The following PRPF18 variants were observed in gnomAD, a reference collection of about 807,000 sequenced individuals.
The protein encoded by PRPF18 is pre-mRNA-splicing factor 18.
In PRPF18, 38 loss-of-function variants were observed where a neutral mutation model predicts 46.5. That is an observed-to-expected ratio of 0.82 (90% CI 0.63 to 1.07). The LOEUF (loss-of-function observed/expected upper bound fraction) is 1.07, where lower values mean the gene tolerates loss of function less well. Among genes scored for constraint, PRPF18 ranks in the 50% least tolerant of loss-of-function variants. PRPF18 has a pLI of 0.00. For missense variants in PRPF18, 263 were observed against 410.0 expected, an observed-to-expected ratio of 0.64 and a Z score of 3.10; for synonymous variants, 152 against 146.7, an observed-to-expected ratio of 1.04 and a Z score of -0.26.
At chr10:13,593,572 A>G (rs539996479) in intron 1 of PRPF18, among the ~76,000 whole-genome samples, 1 of 152,358 alleles carries the variant, frequency 6.6e-6, no homozygotes, top group Admixed American at 6.5e-5. Flanking sequence ...AGTCTTGAGC[A>G]TACTTAAATT....
rs371481856 is a variant in PRPF18 at position 13,617,388 on chromosome 10, A to T, written c.948+835A>T. ...TGAATGTTAATTCGTGTCATGCTTT[A>T]TGCCTTAGTCACATATAATAGCTTT... is the stretch of plus-strand genomic sequence containing the variant. On this transcript the variant is annotated intron_variant, in intron 9 of 9. Transcript: ENST00000378572. Among the ~76,000 whole-genome samples the T allele has an allele frequency of 3.3e-5, 5 of 152,338 alleles. No individual in the cohort carries two copies. In the South Asian group the frequency reaches 6.2e-4, roughly 19 times the overall value.
chr10:13,624,421 C>T lies in PRPF18; in HGVS notation c.949-5839C>T, dbSNP rs189527213. Among the ~76,000 whole-genome samples the T allele has an allele frequency of 1.3e-4, 20 of 152,256 alleles. No homozygotes were observed. The East Asian group carries it at 1.9e-3, about 15-fold the overall frequency. ...GTAGAAACTAGAAAACCTGGGGACACGGAGGATATTAGGCACTTCTCAAAG... is the reference window on the plus strand; with the variant it reads ...GTAGAAACTAGAAAACCTGGGGACATGGAGGATATTAGGCACTTCTCAAAG... On this transcript the variant is annotated intron_variant, in intron 9 of 9. Transcript: ENST00000378572.
At chr10:13,625,511 A>C (rs745947106) in intron 9 of PRPF18, among the ~76,000 whole-genome samples, 10 of 152,254 alleles carry the variant, frequency 6.6e-5, no homozygotes, top group Admixed American at 2.0e-4. Flanking sequence ...AATAAGAGTC[A>C]ATCTATAACG....
intron 9 of PRPF18, 76 bp from the exon 10 acceptor site, chr10:13,630,184 T>A (rs1046075774): frequency 2.5e-6 from 3 of 1,205,376 alleles, no homozygotes; most frequent in South Asian, 2.5e-5. Context: ...GACAAACTGA[T>A]AACGAGTTCA....
At chr10:13,593,178 A>C (rs1274674362) in intron 1 of PRPF18, among the ~76,000 whole-genome samples, 1 of 152,254 alleles carries the variant, frequency 6.6e-6, no homozygotes, top group African/African-American at 2.4e-5. Flanking sequence ...AAAATTAGTA[A>C]GGAAAACTGT....
At chr10:13,624,719 T>C (rs1242379746) in intron 9 of PRPF18, among the ~76,000 whole-genome samples, 1 of 152,204 alleles carries the variant, frequency 6.6e-6, no homozygotes, top group Non-Finnish European at 1.5e-5. Flanking sequence ...AGTTAGTAAG[T>C]TGGAGGATTC....
chr10:13,597,372 A>G, intron 1 of PRPF18, 86 bp from the exon 2 acceptor site: 1 of 921,588 alleles, frequency 1.1e-6, no homozygotes, highest in Non-Finnish European at 1.6e-6. Context: ...GAGTGTTTCC[A>G]AAGTTTTCTA....
intron 8 of PRPF18, among the ~76,000 whole-genome samples, chr10:13,614,893 C>T (rs974658496): frequency 6.6e-6 from 1 of 152,142 alleles, no homozygotes; most frequent in African/African-American, 2.4e-5. Context: ...GTGCAGCAAC[C>T]CCAGTGCCAG....
chr10:13,593,473 G>A (rs1208263147), intron 1 of PRPF18, among the ~76,000 whole-genome samples: 1 of 152,164 alleles, frequency 6.6e-6, no homozygotes, highest in Non-Finnish European at 1.5e-5. Context: ...CATGCTGTGG[G>A]GCTGCAAAGA....
At chr10:13,599,007 A>G (rs1158488812) in intron 2 of PRPF18, among the ~76,000 whole-genome samples, 1 of 152,228 alleles carries the variant, frequency 6.6e-6, no homozygotes, top group Non-Finnish European at 1.5e-5. Flanking sequence ...AGCTCATGAA[A>G]TGACTTAGAT....
intron 1 of PRPF18, among the ~76,000 whole-genome samples, chr10:13,596,074 G>C (rs2080031434): frequency 6.6e-6 from 1 of 152,152 alleles, no homozygotes; most frequent in Admixed American, 6.5e-5. Context: ...TTTCAAGTCA[G>C]GTCAACACGA....
chr10:13,588,339 G>A (rs2079906722), intron 1 of PRPF18, among the ~76,000 whole-genome samples: 1 of 151,742 alleles, frequency 6.6e-6, no homozygotes, highest in African/African-American at 2.4e-5. Context: ...CCCGGGAGGC[G>A]GAGGTTGCCG....
intron 4 of PRPF18, among the ~76,000 whole-genome samples, chr10:13,609,341 C>G (rs2080239160): frequency 6.6e-6 from 1 of 152,168 alleles, no homozygotes; most frequent in Non-Finnish European, 1.5e-5. Context: ...CTGAGGCACA[C>G]AGGGGTTAAG....
At chr10:13,625,679 C>A (rs1292584540) in intron 9 of PRPF18, among the ~76,000 whole-genome samples, 1 of 152,162 alleles carries the variant, frequency 6.6e-6, no homozygotes, top group Non-Finnish European at 1.5e-5. Flanking sequence ...CAAAAGAATG[C>A]ATGTTGGAAG....
At chr10:13,599,909 G>C (rs1001173060) in intron 2 of PRPF18, among the ~76,000 whole-genome samples, 4 of 152,176 alleles carry the variant, frequency 2.6e-5, no homozygotes, top group Non-Finnish European at 5.9e-5. Flanking sequence ...TGGTTTTTAA[G>C]GAAAAAGTAC....
intron 9 of PRPF18, 37 bp downstream of exon 9, chr10:13,616,590 T>G (rs746486396): frequency 6.2e-7 from 1 of 1,605,366 alleles, no homozygotes; most frequent in Non-Finnish European, 8.5e-7. Context: ...GCCCTGGAAG[T>G]GAATATTCTC....
the PRPF18 span, chr10:13,641,525 T>A: frequency 6.6e-6 from 1 of 152,004 alleles, no homozygotes; most frequent in East Asian, 1.9e-4. Context: ...CTTTAAGGAA[T>A]AATTGTCAAT....
intron 6 of PRPF18, among the ~76,000 whole-genome samples, chr10:13,611,952 T>C (rs1003113406): frequency 1.3e-5 from 2 of 151,590 alleles, no homozygotes; most frequent in Non-Finnish European, 2.9e-5. Flanking sequence ...TAATCTCAGC[T>C]CACTGCAACC....
the PRPF18 span, chr10:13,643,864 T>A: frequency 6.5e-6 from 1 of 152,804 alleles, no homozygotes; most frequent in East Asian, 1.9e-4. Context: ...TTTCATTGAT[T>A]ACAGTTGAAC....
Sources: gnomAD v4.1 joint callset for allele counts (sites outside exome capture counted in the v4.1 genomes callset) on GRCh38, gnomAD v4.1.1 for gene constraint, MANE v1.5 for transcripts, NCBI Gene and HGNC (gene_info 2026-07-23, HGNC 2026-07-21) for gene names.